The following VTI1A variants were observed in gnomAD, a reference collection of about 807,000 sequenced individuals.
VTI1A encodes vesicle transport through interaction with t-SNAREs homolog 1A.
In VTI1A, 22 loss-of-function variants were observed where a neutral mutation model predicts 34.9. The observed-to-expected ratio is 0.63, with a 90% CI of 0.45 to 0.90. VTI1A has a LOEUF of 0.90. Ranked by LOEUF, VTI1A falls within the 40% of genes least tolerant of loss-of-function variation. The pLI is 0.00. For synonymous variants in VTI1A, 87 were observed against 97.3 expected (o/e 0.89, Z 0.62); for missense variants, 268 against 275.6 (o/e 0.97, Z 0.20).
At chr10:112,794,129 G>T (rs1852588117) in intron 7 of VTI1A, among the ~76,000 whole-genome samples, 1 of 152,136 alleles carries the variant, frequency 6.6e-6, no homozygotes, top group South Asian at 2.1e-4. Flanking sequence ...GTACTGTGGG[G>T]AAGAGGGGGC....
At position 112,791,940 on chromosome 10, in the gene VTI1A, T is replaced by C. The variant is rs531956904; in HGVS notation, c.561-23350T>C. ...AGATGCTGGGATTGCGTAGTTAGAA[T>C]AGACACATTTATAGGAAAGGAATAA... On this transcript the variant is annotated intron_variant, in intron 7 of 7. Coordinates refer to ENST00000393077, the MANE Select transcript of VTI1A (RefSeq NM_145206.4). Among the ~76,000 whole-genome samples the C allele has an allele frequency of 1.8e-4, 28 of 152,096 alleles. No individual in the cohort carries two copies. The East Asian group carries it at 5.2e-3, about 28-fold the overall frequency.
At chr10:112,592,268 C>G (rs1844420979) in intron 5 of VTI1A, among the ~76,000 whole-genome samples, 1 of 152,190 alleles carries the variant, frequency 6.6e-6, no homozygotes, top group South Asian at 2.1e-4. Context: ...GACTTCTCAC[C>G]TAAAGAACTG....
In VTI1A at chr10:112,518,575, CTCTCTCTCTCTCTCTA is replaced by C. The variant is rs1335165181; in HGVS notation, c.265-8510_265-8495del. ...TCTCTCTCTCTCTCTCTCTCTCTCT[CTCTCTCTCTCTCTCTA>C]TATATATATATATATATATATGTGT... On this transcript the variant is annotated intron_variant, in intron 3 of 7. Transcript: ENST00000393077. Among the ~76,000 whole-genome samples, 722 of 113,450 alleles carry C rather than the reference CTCTCTCTCTCTCTCTA, an allele frequency of 6.4e-3. 10 individuals carry two copies. Among genetic ancestry groups the C allele is most frequent in the African/African-American group, 0.025 (687 of 27,970 alleles). The allele number at this position is 113,450 out of a possible 152,430, so 74.4% of individuals were successfully genotyped here.
At chr10:112,654,891 T>C (rs1187169790) in intron 5 of VTI1A, among the ~76,000 whole-genome samples, 1 of 152,256 alleles carries the variant, frequency 6.6e-6, no homozygotes, top group African/African-American at 2.4e-5. Context: ...TCTTCTACAT[T>C]AAAGTTTTTG....
upstream of VTI1A, chr10:112,447,203 C>T: frequency 3.3e-6 from 2 of 613,626 alleles, no homozygotes; most frequent in South Asian, 2.3e-5. Context: ...TCCGGAGAAC[C>T]GAGATTGCGA....
At chr10:112,842,260 A>G in the VTI1A span, among the ~76,000 whole-genome samples, 1 of 151,792 alleles carries the variant, frequency 6.6e-6, no homozygotes, top group Non-Finnish European at 1.5e-5. Context: ...TGTGGCTTAC[A>G]TATTCTCATG....
At chr10:112,599,225 G>T (rs1334528199) in intron 5 of VTI1A, among the ~76,000 whole-genome samples, 7 of 152,174 alleles carry the variant, frequency 4.6e-5, no homozygotes, top group Non-Finnish European at 1.0e-4. Flanking sequence ...TGGGGGATCT[G>T]CAAGGCCAGA....
intron 5 of VTI1A, among the ~76,000 whole-genome samples, chr10:112,592,901 A>G (rs1304348124): frequency 6.6e-6 from 1 of 152,226 alleles, no homozygotes; most frequent in Non-Finnish European, 1.5e-5. Context: ...CATGAAGGAA[A>G]GTGATATGGT....
Position 112,525,146 on chromosome 10 carries a change from A to C in VTI1A, c.265-1941A>C, listed in dbSNP as rs867583253. ...AGTCTGGCATGTTCACAAATGACTG[A>C]GTTGGGTCACTACTGAATTGTCGAG... is the stretch of plus-strand genomic sequence containing the variant. On this transcript the variant is annotated intron_variant, in intron 3 of 7. Transcript: ENST00000393077. Among the ~76,000 whole-genome samples the C allele has an allele frequency of 2.0e-5, 3 of 152,196 alleles. No homozygotes were observed. The South Asian group carries it at 6.2e-4, about 31-fold the overall frequency.
chr10:112,526,963 G>A lies in VTI1A; in HGVS notation c.265-124G>A, dbSNP rs903869937. 8 of 767,428 alleles carry A rather than the reference G, an allele frequency of 1.0e-5. No individual in the cohort carries two copies. In the African/African-American group the frequency reaches 1.4e-4, roughly 13 times the overall value. The allele number at this position is 767,428 out of a possible 1,614,324, so 47.5% of individuals were successfully genotyped here. The stretch of plus-strand genomic sequence containing the variant: ...TTTACACAACTTTGGTGTGCAGATT[G>A]TAGCCAATAGGTTTCCATTAGGGGG... On this transcript the variant is annotated intron_variant, in intron 3 of 7. Coordinates refer to ENST00000393077, the MANE Select transcript of VTI1A (RefSeq NM_145206.4).
At chr10:112,708,893 CA>C (rs1179114729) in intron 7 of VTI1A, among the ~76,000 whole-genome samples, 1 of 152,204 alleles carries the variant, frequency 6.6e-6, no homozygotes, top group Non-Finnish European at 1.5e-5. Flanking sequence ...CGTAGTTACA[CA>C]GTCTGTCTCC....
At chr10:112,848,213 T>A in the VTI1A span, among the ~76,000 whole-genome samples, 1 of 152,232 alleles carries the variant, frequency 6.6e-6, no homozygotes, top group African/African-American at 2.4e-5. Flanking sequence ...GTTCTGTAAC[T>A]GGCAGCAGTG....
chr10:112,808,624 C>CA (rs760656671), intron 7 of VTI1A, among the ~76,000 whole-genome samples: 851 of 59,000 alleles, frequency 0.014, 8 homozygotes, highest in East Asian at 0.077. Context: ...GACTCCATCT[C>CA]AAAAAAAAAA....
chr10:112,832,576 G>A, the VTI1A span: 5 of 152,348 alleles, frequency 3.3e-5, no homozygotes, highest in East Asian at 1.9e-4. Flanking sequence ...AGTTGGCTCC[G>A]GTGGAGTTGT....
intron 7 of VTI1A, among the ~76,000 whole-genome samples, chr10:112,745,204 C>A (rs543991783): frequency 1.3e-5 from 2 of 151,260 alleles, no homozygotes; most frequent in South Asian, 4.2e-4. Flanking sequence ...GGGTTAACTT[C>A]TTCCTCTAGC....
chr10:112,635,862 T>C (rs1312161388), intron 5 of VTI1A, among the ~76,000 whole-genome samples: 1 of 152,208 alleles, frequency 6.6e-6, no homozygotes, highest in Non-Finnish European at 1.5e-5. Flanking sequence ...TTTTTATTCA[T>C]GCCCACTGAA....
chr10:112,651,882 G>T (rs1457600206), intron 5 of VTI1A, among the ~76,000 whole-genome samples: 1 of 152,174 alleles, frequency 6.6e-6, no homozygotes, highest in East Asian at 1.9e-4. Flanking sequence ...TTAGCCAAAA[G>T]GCTACTACTT....
intron 3 of VTI1A, among the ~76,000 whole-genome samples, chr10:112,525,391 A>G (rs763807065): frequency 6.6e-6 from 1 of 152,110 alleles, no homozygotes; most frequent in Non-Finnish European, 1.5e-5. Flanking sequence ...ACATTTTGCA[A>G]TTCTTGTGCC....
chr10:112,470,092 T>C (rs1042408977), intron 3 of VTI1A, among the ~76,000 whole-genome samples: 2 of 152,210 alleles, frequency 1.3e-5, no homozygotes, highest in Non-Finnish European at 2.9e-5. Flanking sequence ...AATTGATTCA[T>C]CCATTTTGTC....
Sources: gnomAD v4.1 joint callset for allele counts (sites outside exome capture counted in the v4.1 genomes callset) on GRCh38, gnomAD v4.1.1 for gene constraint, MANE v1.5 for transcripts, NCBI Gene and HGNC (gene_info 2026-07-23, HGNC 2026-07-21) for gene names.